MEGF10: variants seen among roughly 807,000 people sequenced by gnomAD.
The protein encoded by MEGF10 is multiple EGF like domains 10.
In MEGF10, 86 loss-of-function variants were observed where a neutral mutation model predicts 147.5. That is an observed-to-expected ratio of 0.58 (90% CI 0.49 to 0.70). The LOEUF (loss-of-function observed/expected upper bound fraction) is 0.70, where lower values mean the gene tolerates loss of function less well. Among genes scored for constraint, MEGF10 ranks in the 30% least tolerant of loss-of-function variants. The probability of loss-of-function intolerance (pLI) is 0.00; values close to 1 mark genes in which losing one functional copy is unlikely to be tolerated. For synonymous variants in MEGF10, 478 were observed against 525.5 expected (o/e 0.91, Z 1.24); for missense variants, 1,329 against 1,487.3 (o/e 0.89, Z 1.75).
At chr5:127,284,700 T>A in the MEGF10 span, among the ~76,000 whole-genome samples, 1 of 58,258 alleles carries the variant, frequency 1.7e-5, no homozygotes, top group East Asian at 4.1e-4. Context: ...ATGATAACCT[T>A]CTGCCATACT....
At chr5:127,410,832 T>C (rs1258466716) in intron 9 of MEGF10, among the ~76,000 whole-genome samples, 1 of 152,266 alleles carries the variant, frequency 6.6e-6, no homozygotes, top group Non-Finnish European at 1.5e-5. Flanking sequence ...TAGCAAATTC[T>C]ATTCTCTATT....
chr5:127,237,098 T>C, the MEGF10 span, among the ~76,000 whole-genome samples: 1 of 152,220 alleles, frequency 6.6e-6, no homozygotes, highest in Non-Finnish European at 1.5e-5. Context: ...TTTTTCCATT[T>C]GTGGAAGTGG....
chr5:127,330,512 C>G (rs1354605381), intron 1 of MEGF10, among the ~76,000 whole-genome samples: 1 of 152,110 alleles, frequency 6.6e-6, no homozygotes, highest in African/African-American at 2.4e-5. Flanking sequence ...CCTTTGCCAG[C>G]CTATCTATTT....
chr5:127,321,324 T>C (rs1443316212), intron 1 of MEGF10, among the ~76,000 whole-genome samples: 1 of 152,116 alleles, frequency 6.6e-6, no homozygotes, highest in East Asian at 1.9e-4. Flanking sequence ...TGGACATATG[T>C]ATTGCTCTAG....
At chr5:127,433,144 T>C (rs749102755) in intron 13 of MEGF10, among the ~76,000 whole-genome samples, 1 of 152,212 alleles carries the variant, frequency 6.6e-6, no homozygotes, top group Non-Finnish European at 1.5e-5. Flanking sequence ...TAACAAAAGT[T>C]TGTTATTCGT....
At position 127,458,192 on chromosome 5, in the gene MEGF10, G is replaced by C. The variant is rs757874597; in HGVS notation, c.*874G>C. 1 of 152,136 alleles carries C rather than the reference G, an allele frequency of 6.6e-6. No homozygotes were observed. Among genetic ancestry groups the C allele is most frequent in the Non-Finnish European group, 1.5e-5 (1 of 68,020 alleles). 9.4% of individuals were successfully genotyped at this position (152,136 alleles called of 1,614,324 possible). A position where few individuals can be genotyped will look rare whatever the true frequency, so the allele number is the denominator to read the frequency against. Reference sequence around the variant, plus strand: ...TTGACAGACTGGATGGAATGAGTGTGTAATGATTGATAAAGGTTGTAAATT... The same window carrying C: ...TTGACAGACTGGATGGAATGAGTGTCTAATGATTGATAAAGGTTGTAAATT... On this transcript the variant is annotated 3_prime_UTR_variant, in exon 25 of 25. Transcript: ENST00000503335.
At chr5:127,294,900 G>A (rs1351578543) in intron 1 of MEGF10, among the ~76,000 whole-genome samples, 2 of 151,692 alleles carry the variant, frequency 1.3e-5, no homozygotes, top group African/African-American at 4.8e-5. Flanking sequence ...AACACCAAAT[G>A]CCACTGAATT....
chr5:127,373,917 T>C (rs1762933768), intron 5 of MEGF10, among the ~76,000 whole-genome samples: 1 of 152,236 alleles, frequency 6.6e-6, no homozygotes. Flanking sequence ...GCTGTGGTAC[T>C]ATCCTAGCAG....
chr5:127,321,768 C>G (rs1293188408), intron 1 of MEGF10, among the ~76,000 whole-genome samples: 2 of 152,074 alleles, frequency 1.3e-5, no homozygotes, highest in Admixed American at 6.6e-5. Context: ...GCTGCAGACA[C>G]CACTGAAAAG....
At chr5:127,309,087 A>G (rs1760145249) in intron 1 of MEGF10, among the ~76,000 whole-genome samples, 1 of 152,102 alleles carries the variant, frequency 6.6e-6, no homozygotes, top group Non-Finnish European at 1.5e-5. Context: ...GCCTCCTTCC[A>G]CTTTCAAGTC....
chr5:127,277,769 T>C, the MEGF10 span, among the ~76,000 whole-genome samples: 31 of 152,160 alleles, frequency 2.0e-4, no homozygotes, highest in Middle Eastern at 6.8e-3. Flanking sequence ...AATTTGCTTA[T>C]AGTTTGAATG....
intron 8 of MEGF10, among the ~76,000 whole-genome samples, chr5:127,408,912 A>C (rs1764439793): frequency 6.6e-6 from 1 of 152,120 alleles, no homozygotes; most frequent in Non-Finnish European, 1.5e-5. Flanking sequence ...CCTCATCTTT[A>C]CAAAAAATTT....
intron 1 of MEGF10, among the ~76,000 whole-genome samples, chr5:127,330,233 A>T (rs1163825873): frequency 6.6e-6 from 1 of 152,122 alleles, no homozygotes; most frequent in African/African-American, 2.4e-5. Context: ...GCTCACAGTC[A>T]TGTCTTACCT....
At chr5:127,310,359 G>A (rs1013650195) in intron 1 of MEGF10, among the ~76,000 whole-genome samples, 1 of 151,854 alleles carries the variant, frequency 6.6e-6, no homozygotes, top group African/African-American at 2.4e-5. Context: ...CATTCTGTGG[G>A]TTGTGTTTTC....
chr5:127,238,446 A>T, the MEGF10 span, among the ~76,000 whole-genome samples: 1 of 152,256 alleles, frequency 6.6e-6, no homozygotes, highest in Non-Finnish European at 1.5e-5. Flanking sequence ...AAACATTACC[A>T]TCATCATCAT....
chr5:127,241,433 T>C, the MEGF10 span, among the ~76,000 whole-genome samples: 1 of 152,140 alleles, frequency 6.6e-6, no homozygotes, highest in East Asian at 1.9e-4. Flanking sequence ...TTCATTGATA[T>C]AGGGTGAATT....
chr5:127,453,536 G>A (rs1246736015), intron 22 of MEGF10, among the ~76,000 whole-genome samples: 1 of 152,154 alleles, frequency 6.6e-6, no homozygotes, highest in Non-Finnish European at 1.5e-5. Context: ...CAAAAACCCT[G>A]GAAGGCTGGA....
chr5:127,337,593 G>A (rs1761517012), intron 2 of MEGF10, among the ~76,000 whole-genome samples: 1 of 152,020 alleles, frequency 6.6e-6, no homozygotes, highest in Admixed American at 6.6e-5. Context: ...ACCCAAAAGG[G>A]TTATATCATA....
Position 127,340,581 on chromosome 5 carries a change from C to T in MEGF10, c.270C>T (p.Arg90=). The change falls in exon 4 of 25, where the codon CGC becomes CGT. Residue 90 remains arginine (R), a synonymous_variant. Coordinates refer to ENST00000503335, the MANE Select transcript of MEGF10 (RefSeq NM_001256545.2). ...ATGGGGAGAAGACTATGTATAGGCG[C>T]AAGTCTCAGTGTTGTCCTGGATTTT... ...YRHGEKTMYR[R]KSQCCPGFYE... The T allele has an allele frequency of 6.2e-7, 1 of 1,612,996 alleles. No homozygotes were observed. The highest frequency in any genetic ancestry group is 8.5e-7 in the Non-Finnish European group (1 of 1,179,210).
Sources: allele counts gnomAD v4.1 joint callset (sites outside exome capture counted in the v4.1 genomes callset), GRCh38; gene constraint gnomAD v4.1.1; transcripts MANE v1.5; gene names NCBI Gene and HGNC (gene_info 2026-07-23, HGNC 2026-07-21).